PDE4D: variants seen among roughly 807,000 people sequenced by gnomAD.
PDE4D encodes the protein phosphodiesterase 4D, also known as 3',5'-cyclic-AMP phosphodiesterase 4D.
A neutral mutation model predicts 87.4 loss-of-function variants in PDE4D; 24 were observed. That is an observed-to-expected ratio of 0.27 (90% CI 0.20 to 0.39). PDE4D has a LOEUF of 0.39. PDE4D is among the 10% of genes least tolerant of loss of function. PDE4D has a pLI of 1.00. For synonymous variants in PDE4D, 384 were observed against 383.2 expected (o/e 1.00, Z -0.02); for missense variants, 714 against 1,041.0 (o/e 0.69, Z 4.32).
chr5:59,747,751 C>T (rs1024160566), intron 1 of PDE4D, among the ~76,000 whole-genome samples: 2 of 152,152 alleles, frequency 1.3e-5, no homozygotes, highest in Non-Finnish European at 2.9e-5. Flanking sequence ...TCTTCTTTCT[C>T]ATTTATTGTG....
intron 1 of PDE4D, among the ~76,000 whole-genome samples, chr5:59,812,506 C>G (rs927492393): frequency 8.5e-5 from 13 of 152,052 alleles, no homozygotes; most frequent in Non-Finnish European, 1.8e-4. Context: ...AACCCTGTCT[C>G]TACTAAAAAT....
rs116009580 is a variant in PDE4D at position 59,516,458 on chromosome 5, C to T, written c.456-300490G>A. Reference sequence around the variant, plus strand: ...GTTCCAGCACTAACATATGTATGGACGAAGATAACAGTCTACAGCTTTCTG... The same window carrying T: ...GTTCCAGCACTAACATATGTATGGATGAAGATAACAGTCTACAGCTTTCTG... On this transcript the variant is annotated intron_variant, in intron 1 of 14. Coordinates refer to ENST00000340635, the MANE Select transcript of PDE4D (RefSeq NM_001104631.2). Among the ~76,000 whole-genome samples, 730 of 152,236 alleles carry T rather than the reference C, an allele frequency of 4.8e-3. 6 individuals are homozygous for T. Among genetic ancestry groups the T allele is most frequent in the African/African-American group, 0.015 (637 of 41,536 alleles).
intron 11 of PDE4D, among the ~76,000 whole-genome samples, chr5:58,979,381 A>G (rs1008683896): frequency 6.6e-6 from 1 of 152,144 alleles, no homozygotes; most frequent in Admixed American, 6.5e-5. Context: ...CTGTTACAGG[A>G]AAGTGGTGGT....
intron 1 of PDE4D, among the ~76,000 whole-genome samples, chr5:59,554,260 G>T: frequency 6.6e-6 from 1 of 152,096 alleles, no homozygotes; most frequent in East Asian, 1.9e-4. Context: ...TTTACAGCCT[G>T]CCAGGCACTG....
intron 2 of PDE4D, among the ~76,000 whole-genome samples, chr5:60,142,543 G>C (rs1215346848): frequency 6.6e-6 from 1 of 152,136 alleles, no homozygotes; most frequent in Admixed American, 6.5e-5. Context: ...CTCTATACTG[G>C]GTGGGATTTA....
At chr5:60,382,463 A>G (rs1761927732) in intron 1 of PDE4D, among the ~76,000 whole-genome samples, 1 of 152,110 alleles carries the variant, frequency 6.6e-6, no homozygotes, top group East Asian at 1.9e-4. Context: ...AGAGCATCGG[A>G]CTCAACTCAA....
chr5:58,993,647 A>G (rs1748457948), intron 6 of PDE4D, among the ~76,000 whole-genome samples, 182 bp from the exon 7 acceptor site: 1 of 152,188 alleles, frequency 6.6e-6, no homozygotes, highest in African/African-American at 2.4e-5. Context: ...CGGTGCTGCC[A>G]ATTATAGCAG....
chr5:59,586,775 A>G (rs1184932401), intron 1 of PDE4D: 17 of 985,302 alleles, frequency 1.7e-5, no homozygotes, highest in Non-Finnish European at 1.9e-5. Flanking sequence ...AAGGAGTCAA[A>G]AGACAGTTTC....
At chr5:59,200,177 GTATA>G (rs199842778) in intron 2 of PDE4D, among the ~76,000 whole-genome samples, 1 of 58,340 alleles carries the variant, frequency 1.7e-5, no homozygotes. Context: ...ACACGTGTAT[GTATA>G]TATGTATACA....
chr5:59,614,146 C>A (rs1390155308), intron 1 of PDE4D, among the ~76,000 whole-genome samples: 1 of 152,186 alleles, frequency 6.6e-6, no homozygotes, highest in Non-Finnish European at 1.5e-5. Flanking sequence ...TGACCCATTT[C>A]TTAGTCACTG....
chr5:59,125,222 TTTACTGCAC>T (rs1458856773), intron 5 of PDE4D: 2 of 950,210 alleles, frequency 2.1e-6, no homozygotes, highest in African/African-American at 1.8e-5. Flanking sequence ...CATAATCAAA[TTTACTGCAC>T]TTACCCTTGC....
intron 1 of PDE4D, among the ~76,000 whole-genome samples, chr5:60,227,606 G>C (rs1157790666): frequency 7.2e-6 from 1 of 139,612 alleles, no homozygotes; most frequent in African/African-American, 2.6e-5. Context: ...AGAGAGGGAG[G>C]GAGGGAGGAA....
intron 1 of PDE4D, among the ~76,000 whole-genome samples, chr5:60,435,272 G>A (rs1459608455): frequency 6.6e-6 from 1 of 152,038 alleles, no homozygotes; most frequent in African/African-American, 2.4e-5. Flanking sequence ...GGCACAAAAA[G>A]CATTTTAAAT....
intron 2 of PDE4D, among the ~76,000 whole-genome samples, chr5:60,054,081 TTGG>T (rs780707982): frequency 7.9e-5 from 12 of 152,300 alleles, no homozygotes; most frequent in African/African-American, 2.6e-4. Context: ...TTTTACACTG[TTGG>T]TGGGAGTGTA....
At chr5:59,324,350 T>G (rs890344621) in intron 1 of PDE4D, among the ~76,000 whole-genome samples, 2 of 152,118 alleles carry the variant, frequency 1.3e-5, no homozygotes, top group African/African-American at 4.8e-5. Flanking sequence ...CACCTACCCT[T>G]GCAGCCACAT....
At chr5:59,438,921 T>G (rs980325635) in intron 1 of PDE4D, among the ~76,000 whole-genome samples, 4 of 152,250 alleles carry the variant, frequency 2.6e-5, no homozygotes, top group Non-Finnish European at 5.9e-5. Context: ...AATGTTCTCC[T>G]AAATGTAAAT....
At chr5:59,614,630 A>G (rs986375739) in intron 1 of PDE4D, among the ~76,000 whole-genome samples, 5 of 152,164 alleles carry the variant, frequency 3.3e-5, no homozygotes, top group African/African-American at 1.2e-4. Flanking sequence ...ATCAGACAAG[A>G]TTATGTATTT....
chr5:58,995,591 G>A (rs941858630), intron 6 of PDE4D, among the ~76,000 whole-genome samples: 6 of 152,110 alleles, frequency 3.9e-5, no homozygotes, highest in Non-Finnish European at 8.8e-5. Context: ...CATAGTAGAT[G>A]CTCAATATTA....
chr5:60,147,530 C>T (rs1781119582), intron 2 of PDE4D, among the ~76,000 whole-genome samples: 1 of 152,204 alleles, frequency 6.6e-6, no homozygotes, highest in South Asian at 2.1e-4. Context: ...CATGACCAGT[C>T]AAGATAATGT....
Sources: allele counts gnomAD v4.1 joint callset (sites outside exome capture counted in the v4.1 genomes callset), GRCh38; gene constraint gnomAD v4.1.1; transcripts MANE v1.5; gene names NCBI Gene and HGNC (gene_info 2026-07-23, HGNC 2026-07-21).